MACROD2: variants seen among roughly 807,000 people sequenced by gnomAD.
The protein encoded by MACROD2 is mono-ADP ribosylhydrolase 2.
Under a neutral mutation model 70.4 loss-of-function variants are expected in MACROD2, and 36 were observed. The ratio of observed to expected loss-of-function variants is 0.51; its 90% CI spans 0.39 to 0.68. The LOEUF is 0.68. Among genes scored for constraint, MACROD2 ranks in the 30% least tolerant of loss-of-function variants. The probability of loss-of-function intolerance (pLI) is 0.00; values close to 1 mark genes in which losing one functional copy is unlikely to be tolerated. For synonymous variants in MACROD2, 172 were observed against 178.8 expected, an observed-to-expected ratio of 0.96 and a Z score of 0.30; for missense variants, 496 against 538.4, an observed-to-expected ratio of 0.92 and a Z score of 0.78.
intron 7 of MACROD2, among the ~76,000 whole-genome samples, chr20:15,462,742 A>G (rs1415955363): frequency 6.6e-6 from 1 of 152,238 alleles, no homozygotes; most frequent in East Asian, 1.9e-4. Context: ...TCCCCTTTGT[A>G]ACATATTTGT....
chr20:14,497,235 A>G (rs1008074597), intron 4 of MACROD2, among the ~76,000 whole-genome samples: 2 of 151,804 alleles, frequency 1.3e-5, no homozygotes, highest in African/African-American at 4.9e-5. Flanking sequence ...ACTGTCTTAC[A>G]GTACTCTTGG....
intron 6 of MACROD2, among the ~76,000 whole-genome samples, chr20:15,405,694 G>T (rs1240261698): frequency 6.6e-6 from 1 of 152,206 alleles, no homozygotes; most frequent in Admixed American, 6.5e-5. Flanking sequence ...GCAGATTTTA[G>T]CTCACGTGCC....
At chr20:15,071,773 T>C (rs1008934757) in intron 5 of MACROD2, among the ~76,000 whole-genome samples, 95 of 152,320 alleles carry the variant, frequency 6.2e-4, no homozygotes, top group Non-Finnish European at 2.5e-4. Flanking sequence ...CAGGGTTTGT[T>C]GTTCTGAAGT....
chr20:14,139,068 C>A (rs1049371120), intron 3 of MACROD2, among the ~76,000 whole-genome samples: 4 of 151,976 alleles, frequency 2.6e-5, no homozygotes, highest in East Asian at 1.9e-4. Context: ...ATACCTTTTC[C>A]ATTAAAAACA....
chr20:14,616,232 G>A (rs570768400), intron 4 of MACROD2, among the ~76,000 whole-genome samples: 148 of 152,198 alleles, frequency 9.7e-4, no homozygotes, highest in African/African-American at 3.2e-3. Context: ...GTGCTAGATG[G>A]TACTAGGCAA....
intron 5 of MACROD2, among the ~76,000 whole-genome samples, chr20:15,162,990 A>G (rs1276170341): frequency 1.3e-5 from 2 of 152,120 alleles, no homozygotes; most frequent in Non-Finnish European, 2.9e-5. Flanking sequence ...TAAACAGAAT[A>G]CCATGGCAGG....
intron 4 of MACROD2, among the ~76,000 whole-genome samples, chr20:14,530,506 C>T (rs764261984): frequency 6.6e-6 from 1 of 152,168 alleles, no homozygotes; most frequent in East Asian, 1.9e-4. Flanking sequence ...TTTCCCTGCA[C>T]ACTGCTTACA....
chr20:15,039,926 C>T (rs912601555), intron 5 of MACROD2, among the ~76,000 whole-genome samples: 1 of 152,088 alleles, frequency 6.6e-6, no homozygotes, highest in Non-Finnish European at 1.5e-5. Flanking sequence ...AGGTAGGTGT[C>T]TGAGTCCTTG....
chr20:15,131,147 A>C (rs1253576119), intron 5 of MACROD2, among the ~76,000 whole-genome samples: 3 of 152,254 alleles, frequency 2.0e-5, no homozygotes, highest in African/African-American at 7.2e-5. Context: ...ATGCACATAG[A>C]GGTTCTAGAT....
chr20:14,748,231 C>T (rs1382189987), intron 5 of MACROD2, among the ~76,000 whole-genome samples: 1 of 152,088 alleles, frequency 6.6e-6, no homozygotes, highest in East Asian at 1.9e-4. Flanking sequence ...CCCAGTCAGG[C>T]TAGGCCAGAC....
intron 8 of MACROD2, among the ~76,000 whole-genome samples, chr20:15,500,533 G>A (rs2047351879): frequency 6.6e-6 from 1 of 152,172 alleles, no homozygotes; most frequent in Admixed American, 6.5e-5. Context: ...TAACAGCTAG[G>A]AGGTTTCAGG....
chr20:15,594,978 G>A lies in MACROD2; in HGVS notation c.645+95131G>A, dbSNP rs56197949. 6.8e-3 allele frequency among the ~76,000 whole-genome samples: 1,037 copies of A among 152,064 alleles called. 16 individuals carry two copies. The highest frequency in any genetic ancestry group is 0.024 in the African/African-American group (1,001 of 41,496). ...CTGTTGATTTCTTAGTGTTTTCTTT[G>A]TTTCGTGTTTCCAAACATTACTTCA... On this transcript the variant is annotated intron_variant, in intron 8 of 17. Coordinates refer to ENST00000684519, the MANE Select transcript of MACROD2 (RefSeq NM_001351661.2).
chr20:15,281,074 G>A (rs183400551), intron 6 of MACROD2, among the ~76,000 whole-genome samples: 23 of 152,290 alleles, frequency 1.5e-4, no homozygotes, highest in African/African-American at 3.8e-4. Context: ...AACACTAGAC[G>A]CTTATAAAAC....
At position 15,478,341 on chromosome 20, in the gene MACROD2, G is replaced by A. The variant is rs867212939; in HGVS notation, c.572-21433G>A. On this transcript the variant is annotated intron_variant, in intron 7 of 17. Coordinates refer to ENST00000684519, the MANE Select transcript of MACROD2 (RefSeq NM_001351661.2). ...CTATCGGTTCTGGCTTGTTCAAGCT[G>A]TGCACCCTCCTGTCCCCTCTAGGGG... is the stretch of plus-strand genomic sequence containing the variant. Among the ~76,000 whole-genome samples, 9 of 152,268 alleles carry A rather than the reference G, an allele frequency of 5.9e-5. No homozygotes were observed. The South Asian group carries it at 8.3e-4, about 14-fold the overall frequency.
At position 14,555,985 on chromosome 20, in the gene MACROD2, TA is replaced by T. The variant is rs567734072; in HGVS notation, c.301+62479del. Among the ~76,000 whole-genome samples the T allele has an allele frequency of 1.7e-3, 260 of 152,160 alleles. 1 individual carries two copies. The highest frequency in any genetic ancestry group is 5.8e-3 in the African/African-American group (243 of 41,540). On this transcript the variant is annotated intron_variant, in intron 4 of 17. Transcript: ENST00000684519. ...CTATTGTGTTCTCATCCAACTATTT[TA>T]ACTAATTGAAGTGACTTAACCATAT...
intron 2 of MACROD2, among the ~76,000 whole-genome samples, chr20:14,004,053 T>C (rs2052776589): frequency 6.6e-6 from 1 of 152,182 alleles, no homozygotes; most frequent in African/African-American, 2.4e-5. Flanking sequence ...CCAGAAGTGT[T>C]TGGGGTTTTG....
rs555450190 is a variant in MACROD2 at position 14,063,558 on chromosome 20, A to G, written c.164-22063A>G. Among the ~76,000 whole-genome samples the G allele has an allele frequency of 9.8e-5, 15 of 152,362 alleles. No individual in the cohort carries two copies. In the East Asian group the frequency reaches 2.3e-3, roughly 23 times the overall value. ...ATGTGACGCCACAAGTAAAAATTCT[A>G]CACGTAAGTACTTAACATAAACTTT... On this transcript the variant is annotated intron_variant, in intron 2 of 17. Transcript: ENST00000684519.
chr20:15,232,291 G>A lies in MACROD2; in HGVS notation c.540+2230G>A, dbSNP rs150844540. Among the ~76,000 whole-genome samples, 160 of 152,004 alleles carry A rather than the reference G, an allele frequency of 1.1e-3. 2 individuals carry two copies. Among genetic ancestry groups the A allele is most frequent in the Middle Eastern group, 3.4e-3 (1 of 294 alleles). On this transcript the variant is annotated intron_variant, in intron 6 of 17. Coordinates refer to ENST00000684519, the MANE Select transcript of MACROD2 (RefSeq NM_001351661.2). The stretch of plus-strand genomic sequence containing the variant: ...ATTTTGTCAACTTATCACAATAGAT[G>A]GTAGACATGGTTGATATAAAAAGCC...
intron 5 of MACROD2, among the ~76,000 whole-genome samples, chr20:14,762,511 T>C (rs537421966): frequency 6.6e-6 from 1 of 152,270 alleles, no homozygotes; most frequent in East Asian, 1.9e-4. Flanking sequence ...CTTTTGATCA[T>C]AGGATTGGAC....
Sources: gnomAD v4.1 joint callset for allele counts (sites outside exome capture counted in the v4.1 genomes callset) on GRCh38, gnomAD v4.1.1 for gene constraint, MANE v1.5 for transcripts, NCBI Gene and HGNC (gene_info 2026-07-23, HGNC 2026-07-21) for gene names.